IFT122: variants seen among roughly 807,000 people sequenced by gnomAD.
IFT122 encodes intraflagellar transport 122.
Under a neutral mutation model 161.6 loss-of-function variants are expected in IFT122, and 118 were observed. The ratio of observed to expected loss-of-function variants is 0.73; its 90% CI spans 0.63 to 0.85. The LOEUF (loss-of-function observed/expected upper bound fraction) is 0.85. Among genes scored for constraint, IFT122 ranks in the 40% least tolerant of loss-of-function variants. IFT122 has a pLI of 0.00. For synonymous variants in IFT122, 550 were observed against 602.4 expected, an observed-to-expected ratio of 0.91 and a Z score of 1.27; for missense variants, 1,381 against 1,579.6, an observed-to-expected ratio of 0.87 and a Z score of 2.13.
chr3:129,512,395 C>G lies in IFT122; in HGVS notation c.2970C>G (p.Pro990=), dbSNP rs772447875. ...FLLHSLPKDT[P]SGISKVKILF... is the part of the protein sequence containing the mutation. ...TGCACAGCCTGCCCAAGGACACCCC[C>G]TCGGGCATCTCTAAAGTGTATCCTT... Residue 990 remains proline (P), a synonymous_variant, in exon 24 of 30, where the codon CCC becomes CCG. Coordinates refer to ENST00000348417, the MANE Select transcript of IFT122 (RefSeq NM_052989.3). 3.1e-6 allele frequency: 5 copies of G among 1,610,250 alleles called. No individual in the cohort carries two copies. In the African/African-American group the frequency reaches 6.7e-5, roughly 22 times the overall value.
intron 23 of IFT122, among the ~76,000 whole-genome samples, chr3:129,511,238 T>C (rs1446788839): frequency 6.6e-5 from 10 of 152,226 alleles, no homozygotes; most frequent in Non-Finnish European, 1.3e-4. Flanking sequence ...CCTAGTGCAG[T>C]AGAACCACAG....
intron 23 of IFT122, 50 bp downstream of exon 23, chr3:129,507,812 G>A (rs769000021): frequency 3.6e-6 from 5 of 1,377,902 alleles, no homozygotes; most frequent in African/African-American, 2.8e-5. Flanking sequence ...CCTGAGCTAG[G>A]GGTCCCGGGC....
rs757571622 is a variant in IFT122, at chr3:129,486,496, G to A, written c.1852-1761G>A. ...ATTGCAACAGGCTGTACTTACTGAC[G>A]GACTTTAGAAAGGAAAGCTCATTGT... On this transcript the variant is annotated intron_variant, in intron 15 of 29. Transcript: ENST00000348417. Among the ~76,000 whole-genome samples the A allele has an allele frequency of 5.9e-5, 9 of 152,228 alleles. No homozygotes were observed. The East Asian group carries it at 1.7e-3, about 29-fold the overall frequency.
chr3:129,483,502 T>C lies in IFT122; in HGVS notation c.1671T>C (p.Ser557=), dbSNP rs1478068914. 1 of 1,613,824 alleles carries C rather than the reference T, an allele frequency of 6.2e-7. No homozygotes were observed. The highest frequency in any genetic ancestry group is 1.7e-5 in the Admixed American group (1 of 59,962). Residue 557 remains serine (S), a synonymous_variant, in exon 15 of 30, where the codon AGT becomes AGC. Coordinates refer to ENST00000348417, the MANE Select transcript of IFT122 (RefSeq NM_052989.3). ...TTCCCCAGGAACCAAACGCCAACAG[T>C]GTAGCTTGGAACACCCAGTGTGAGG... is the stretch of plus-strand genomic sequence containing the variant. ...ELLFQEPNAN[S]VAWNTQCEDM... is the part of the protein sequence containing the mutation.
intron 15 of IFT122, 123 bp downstream of exon 15, chr3:129,483,805 G>T: frequency 9.3e-7 from 1 of 1,070,080 alleles, no homozygotes; most frequent in Non-Finnish European, 1.4e-6. Flanking sequence ...CTGTGAGGTC[G>T]TGGGAGGCAG....
At chr3:129,459,740 CCCTTCTT>C (rs2076018168) in intron 4 of IFT122, among the ~76,000 whole-genome samples, 1 of 106,618 alleles carries the variant, frequency 9.4e-6, no homozygotes, top group Non-Finnish European at 1.7e-5. Flanking sequence ...CTCCCTCCCT[CCCTTCTT>C]CCTTCCTTCC....
At chr3:129,451,718 T>G (rs910458341) in intron 2 of IFT122, among the ~76,000 whole-genome samples, 196 bp from the exon 3 acceptor site, 1 of 152,234 alleles carries the variant, frequency 6.6e-6, no homozygotes. Context: ...ACATAGTACA[T>G]AGACCTGGGT....
intron 19 of IFT122, among the ~76,000 whole-genome samples, 177 bp from the exon 20 acceptor site, chr3:129,502,534 C>A (rs577611342): frequency 6.6e-6 from 1 of 152,294 alleles, no homozygotes; most frequent in East Asian, 1.9e-4. Context: ...GGCCACCTCT[C>A]CCAGATCCTG....
intron 15 of IFT122, chr3:129,487,954 G>A: frequency 4.3e-6 from 2 of 466,672 alleles, no homozygotes; most frequent in Middle Eastern, 6.3e-4. Flanking sequence ...GAGTGGGGAG[G>A]GGCAAAGGCA....
chr3:129,466,955 A>G lies in IFT122; in HGVS notation c.629A>G (p.Tyr210Cys), dbSNP rs1448216190. 3 of 1,614,186 alleles carry G rather than the reference A, an allele frequency of 1.9e-6. No individual in the cohort carries two copies. Among genetic ancestry groups the G allele is most frequent in the East Asian group, 2.2e-5 (1 of 44,890 alleles). Residue 210 changes from tyrosine to cysteine, a missense_variant, in exon 8 of 30, where the codon TAT becomes TGT. By Grantham distance (194) the Tyr-to-Cys change is radical (BLOSUM62 -2). Around this residue, in one of 7 missense-constraint regions of IFT122, gnomAD observed 544 missense variants for 648.0 expected, o/e 0.84. Coordinates refer to ENST00000348417, the MANE Select transcript of IFT122 (RefSeq NM_052989.3). ...GCCGAGGATGTCATTGTCAACAGAT[A>G]TATTCAGGAAATCCCTTCCACTCTG... ...EDAEDVIVNR[Y>C]IQEIPSTLKS...
intron 8 of IFT122, among the ~76,000 whole-genome samples, chr3:129,467,400 C>T (rs894910697): frequency 2.0e-5 from 3 of 152,094 alleles, no homozygotes; most frequent in Admixed American, 1.3e-4. Flanking sequence ...AAGTCATATT[C>T]TGCTTTTTTT....
rs1325779664 is a variant in IFT122, at chr3:129,476,655, C to T, written c.1009-8C>T. 1.2e-6 allele frequency: 2 copies of T among 1,614,216 alleles called. No individual in the cohort carries two copies. The highest frequency in any genetic ancestry group is 2.2e-5 in the South Asian group (2 of 91,088). ...GAGCTGGGAATTGACAGTTCTCTCA[C>T]CCCGCAGGTGGTCGGCTGCCAGGAC... is the stretch of plus-strand genomic sequence containing the variant. On this transcript the variant is annotated splice_polypyrimidine_tract_variant and splice_region_variant and intron_variant, in intron 10 of 29. Coordinates refer to ENST00000348417, the MANE Select transcript of IFT122 (RefSeq NM_052989.3).
chr3:129,491,429 C>T (rs1366325171), intron 16 of IFT122, among the ~76,000 whole-genome samples: 1 of 152,240 alleles, frequency 6.6e-6, no homozygotes, highest in East Asian at 1.9e-4. Flanking sequence ...AGCAGCAAAA[C>T]TAGCTTAGCT....
In IFT122 at chr3:129,478,056, C is replaced by A. The variant is rs1030774694; in HGVS notation, c.1188C>A (p.Ile396=). 1.2e-6 allele frequency: 2 copies of A among 1,614,058 alleles called. No individual in the cohort carries two copies. The highest frequency in any genetic ancestry group is 1.7e-6 in the Non-Finnish European group (2 of 1,180,016). The change falls in exon 12 of 30, where the codon ATC becomes ATA. Residue 396 remains isoleucine (I), a synonymous_variant. Coordinates refer to ENST00000348417, the MANE Select transcript of IFT122 (RefSeq NM_052989.3). ...KCKELVKKIA[I]YRNRLAIQLP... ...AAGAGCTTGTCAAGAAGATTGCCAT[C>A]TACAGAAATCGATTGGCTATCCAAC...
chr3:129,455,810 GAAAA>G (rs1248905708), intron 3 of IFT122, among the ~76,000 whole-genome samples: 1 of 151,632 alleles, frequency 6.6e-6, no homozygotes, highest in Non-Finnish European at 1.5e-5. Flanking sequence ...TGTTAATTGA[GAAAA>G]AAGAAAAATA....
In IFT122 at chr3:129,515,178, G is replaced by A. The variant is rs2083334923; in HGVS notation, c.3154-310G>A. 5.7e-6 allele frequency: 3 copies of A among 522,238 alleles called. No individual in the cohort carries two copies. The African/African-American group carries it at 5.8e-5, about 10-fold the overall frequency. The allele number at this position is 522,238 out of a possible 1,614,324, so 32.4% of individuals were successfully genotyped here. A position where few individuals can be genotyped will look rare whatever the true frequency, so the allele number is the denominator to read the frequency against. On this transcript the variant is annotated intron_variant, in intron 25 of 29. Transcript: ENST00000348417. ...CCACGTGCTCCGCACGGTGCCCGGAGCATGGTAAATGGCTGGCTAATGGTG... is the reference window on the plus strand; with the variant it reads ...CCACGTGCTCCGCACGGTGCCCGGAACATGGTAAATGGCTGGCTAATGGTG...
At chr3:129,476,065 A>G (rs1236359622) in intron 9 of IFT122, 1 of 534,668 alleles carries the variant, frequency 1.9e-6, no homozygotes. Context: ...CTCCTGGAGC[A>G]CTTGGGTGGG....
Position 129,476,193 on chromosome 3 carries a change from T to C in IFT122, c.817-122T>C, listed in dbSNP as rs557849930. The C allele has an allele frequency of 4.2e-5, 43 of 1,020,806 alleles. No individual in the cohort carries two copies. In the African/African-American group the frequency reaches 6.7e-4, roughly 16 times the overall value. 63.2% of individuals were successfully genotyped at this position (1,020,806 alleles called of 1,614,324 possible). ...CATGGGATGACACAGGAGAAAAGGC[T>C]GGCCAGCTCTCCCTGTCTTCCCAAC... is the stretch of plus-strand genomic sequence containing the variant. On this transcript the variant is annotated intron_variant, in intron 9 of 29. Transcript: ENST00000348417.
rs1559911588 is a variant in IFT122, at chr3:129,477,999, A to AT, written c.1148-10dup. The stretch of plus-strand genomic sequence containing the variant: ...TAACAACCTCTTGCTAGAACTAGAT[A>AT]TTTTTTTCTTTGACAGTTCGGATTA... On this transcript the variant is annotated splice_polypyrimidine_tract_variant and intron_variant, in intron 11 of 29. Coordinates refer to ENST00000348417, the MANE Select transcript of IFT122 (RefSeq NM_052989.3). 2 of 1,610,206 alleles carry AT rather than the reference A, an allele frequency of 1.2e-6. No individual in the cohort carries two copies. Among genetic ancestry groups the AT allele is most frequent in the African/African-American group, 1.3e-5 (1 of 74,972 alleles).
Sources: allele counts gnomAD v4.1 joint callset (sites outside exome capture counted in the v4.1 genomes callset), GRCh38; gene constraint gnomAD v4.1.1; regional missense constraint gnomAD v4.1.1; transcripts MANE v1.5; gene names NCBI Gene and HGNC (gene_info 2026-07-23, HGNC 2026-07-21).